Variants in PTPRN2 observed in about 807,000 individuals in gnomAD.
PTPRN2 encodes receptor-type tyrosine-protein phosphatase N2.
A neutral mutation model predicts 118.8 loss-of-function variants in PTPRN2; 74 were observed. The ratio of observed to expected loss-of-function variants is 0.62; its 90% CI spans 0.52 to 0.76. The LOEUF (loss-of-function observed/expected upper bound fraction) is 0.76. Among genes scored for constraint, PTPRN2 ranks in the 30% least tolerant of loss-of-function variants. PTPRN2 has a pLI of 0.00. For synonymous variants in PTPRN2, 641 were observed against 608.0 expected (o/e 1.05, Z -0.80); for missense variants, 1,481 against 1,394.4 (o/e 1.06, Z -0.99).
At chr7:157,897,546 G>T (rs1797201638) in intron 12 of PTPRN2, among the ~76,000 whole-genome samples, 1 of 152,314 alleles carries the variant, frequency 6.6e-6, no homozygotes, top group South Asian at 2.1e-4. Context: ...ACCTGTCCGG[G>T]ACGTGCACGC....
chr7:157,669,851 G>A lies in PTPRN2; in HGVS notation c.2001+12874C>T, dbSNP rs926512893. On this transcript the variant is annotated intron_variant, in intron 13 of 22. Coordinates refer to ENST00000389418, the MANE Select transcript of PTPRN2 (RefSeq NM_002847.5). The stretch of plus-strand genomic sequence containing the variant: ...CTTTCTCGAGTCCCCACACAACCTC[G>A]AGGCCGGGCTCCGGGCATCCAGGCG... 3.3e-5 allele frequency among the ~76,000 whole-genome samples: 5 copies of A among 152,084 alleles called. No individual in the cohort carries two copies. The South Asian group carries it at 1.0e-3, about 32-fold the overall frequency.
intron 11 of PTPRN2, among the ~76,000 whole-genome samples, chr7:157,988,220 TC>T (rs1803957080): frequency 1.3e-5 from 2 of 152,212 alleles, no homozygotes; most frequent in African/African-American, 4.8e-5. Context: ...CCCACTGGCG[TC>T]CTGGCCATTT....
chr7:158,175,011 G>A (rs900094545), intron 5 of PTPRN2, among the ~76,000 whole-genome samples: 1 of 152,220 alleles, frequency 6.6e-6, no homozygotes, highest in African/African-American at 2.4e-5. Flanking sequence ...CAGGCTGACA[G>A]GAAGGCCTGG....
chr7:157,730,195 C>CA (rs1554425986), intron 12 of PTPRN2, among the ~76,000 whole-genome samples: 2 of 152,078 alleles, frequency 1.3e-5, no homozygotes, highest in Admixed American at 6.5e-5. Flanking sequence ...CCTGCCCCCC[C>CA]CCGGGCACTC....
chr7:157,559,155 C>T (rs1025925317), intron 21 of PTPRN2, among the ~76,000 whole-genome samples: 1 of 152,232 alleles, frequency 6.6e-6, no homozygotes, highest in Non-Finnish European at 1.5e-5. Flanking sequence ...CTGACTCCAT[C>T]GGGGGACCCC....
At position 158,354,820 on chromosome 7, in the gene PTPRN2, G is replaced by A. The variant is rs142446414; in HGVS notation, c.164-37888C>T. 2.0e-3 allele frequency among the ~76,000 whole-genome samples: 306 copies of A among 152,188 alleles called. 3 individuals are homozygous for A. The highest frequency in any genetic ancestry group is 7.1e-3 in the African/African-American group (295 of 41,532). ...GAGAAAGGTATAGATAACCAGATTCGGGAAAGTCAGAGAACACCAGATTCA... is the reference window on the plus strand; with the variant it reads ...GAGAAAGGTATAGATAACCAGATTCAGGAAAGTCAGAGAACACCAGATTCA... On this transcript the variant is annotated intron_variant, in intron 2 of 22. Transcript: ENST00000389418.
intron 11 of PTPRN2, among the ~76,000 whole-genome samples, chr7:157,933,108 G>C (rs1799476735): frequency 6.6e-6 from 1 of 150,850 alleles, no homozygotes; most frequent in African/African-American, 2.4e-5. Context: ...GACAGTTTTA[G>C]AGGAGGGGTG....
chr7:157,727,822 C>T (rs938659215), intron 12 of PTPRN2, among the ~76,000 whole-genome samples: 19 of 152,338 alleles, frequency 1.2e-4, no homozygotes, highest in Middle Eastern at 3.4e-3. Context: ...AGCTCTGCTG[C>T]TGGCCCTGCC....
chr7:157,833,144 A>T (rs1404363077), intron 12 of PTPRN2, among the ~76,000 whole-genome samples: 1 of 147,814 alleles, frequency 6.8e-6, no homozygotes, highest in Non-Finnish European at 1.5e-5. Flanking sequence ...TCCATCCCAT[A>T]TGATCGTAAA....
At chr7:158,552,336 A>C (rs1826713510) in intron 1 of PTPRN2, among the ~76,000 whole-genome samples, 1 of 151,874 alleles carries the variant, frequency 6.6e-6, no homozygotes, top group Non-Finnish European at 1.5e-5. Context: ...GCTCCAGTAC[A>C]TGCATTTGGG....
chr7:157,969,673 G>A (rs900847403), intron 11 of PTPRN2, among the ~76,000 whole-genome samples: 8 of 152,110 alleles, frequency 5.3e-5, no homozygotes, highest in East Asian at 1.9e-4. Flanking sequence ...TGAAGCTGGA[G>A]TTGAGTCCTG....
At chr7:158,119,455 G>A (rs1333099099) in intron 9 of PTPRN2, among the ~76,000 whole-genome samples, 1 of 152,174 alleles carries the variant, frequency 6.6e-6, no homozygotes, top group Non-Finnish European at 1.5e-5. Context: ...TATATCAAGT[G>A]TGGAAGAGTA....
At chr7:158,330,036 AT>A (rs1804055246) in intron 2 of PTPRN2, among the ~76,000 whole-genome samples, 6 of 142,160 alleles carry the variant, frequency 4.2e-5, no homozygotes, top group Admixed American at 7.2e-5. Flanking sequence ...AAGAGGTGAC[AT>A]CTGCAGACGT....
rs1418206984 is a variant in PTPRN2 at position 157,763,801 on chromosome 7, A to T, written c.1789-80864T>A. ...GTGGTAGGAGGAGGCTGCACCGGGCAGGGTTAGGGGCTGCTGGGCCTCTGC... is the reference window on the plus strand; with the variant it reads ...GTGGTAGGAGGAGGCTGCACCGGGCTGGGTTAGGGGCTGCTGGGCCTCTGC... On this transcript the variant is annotated intron_variant, in intron 12 of 22. Coordinates refer to ENST00000389418, the MANE Select transcript of PTPRN2 (RefSeq NM_002847.5). The surrounding 1 kb of genome is among the most constrained non-coding windows in gnomAD (Gnocchi z 4.9). Among the ~76,000 whole-genome samples the T allele has an allele frequency of 6.6e-6, 1 of 152,044 alleles. No individual in the cohort carries two copies. The highest frequency in any genetic ancestry group is 2.4e-5 in the African/African-American group (1 of 41,424).
At chr7:157,981,383 C>T (rs374857384) in intron 11 of PTPRN2, among the ~76,000 whole-genome samples, 4 of 148,600 alleles carry the variant, frequency 2.7e-5, no homozygotes, top group East Asian at 1.9e-4. Context: ...TATTCCGGGA[C>T]GGGTGAAACT....
intron 3 of PTPRN2, among the ~76,000 whole-genome samples, chr7:158,253,719 T>C (rs1796838789): frequency 6.6e-6 from 1 of 152,146 alleles, no homozygotes; most frequent in Non-Finnish European, 1.5e-5. Context: ...GCTTTAAAAA[T>C]ACTCTAATGG....
chr7:158,028,484 CAGG>C, intron 11 of PTPRN2: 1 of 152,646 alleles, frequency 6.6e-6, no homozygotes, highest in East Asian at 1.9e-4. Context: ...AAATGAACTG[CAGG>C]AGAAGCAGCC....
At chr7:158,442,000 C>G (rs113270794) in intron 2 of PTPRN2, among the ~76,000 whole-genome samples, 20 of 101,146 alleles carry the variant, frequency 2.0e-4, no homozygotes, top group Admixed American at 5.3e-4. Context: ...TAGTGATGGT[C>G]ATGGCAGTGG....
chr7:158,562,223 T>A (rs759172382), intron 1 of PTPRN2, among the ~76,000 whole-genome samples: 17 of 152,244 alleles, frequency 1.1e-4, no homozygotes, highest in Admixed American at 2.6e-4. Flanking sequence ...GCTTCCTGGA[T>A]CATAGATGAC....
Sources: gnomAD v4.1 joint callset for allele counts (sites outside exome capture counted in the v4.1 genomes callset) on GRCh38, gnomAD v4.1.1 for gene constraint, Gnocchi (gnomAD v3.1) non-coding constraint, MANE v1.5 for transcripts, NCBI Gene and HGNC (gene_info 2026-07-23, HGNC 2026-07-21) for gene names.